SEC23B: variants seen among roughly 807,000 people sequenced by gnomAD.
SEC23B encodes SEC23 homolog B, COPII component.
A neutral mutation model predicts 104.3 loss-of-function variants in SEC23B; 77 were observed. The observed-to-expected ratio is 0.74, with a 90% CI of 0.61 to 0.89. The LOEUF (loss-of-function observed/expected upper bound fraction) is 0.89, where lower values mean the gene tolerates loss of function less well. Ranked by LOEUF, SEC23B falls within the 40% of genes least tolerant of loss-of-function variation. The pLI is 0.00. For missense variants in SEC23B, 885 were observed against 949.4 expected, an observed-to-expected ratio of 0.93 and a Z score of 0.89; for synonymous variants, 338 against 332.5, an observed-to-expected ratio of 1.02 and a Z score of -0.18.
intron 4 of SEC23B, among the ~76,000 whole-genome samples, chr20:18,517,712 T>C (rs898019230): frequency 2.6e-5 from 4 of 152,136 alleles, no homozygotes; most frequent in Admixed American, 2.0e-4. Flanking sequence ...GTGGGAGAGA[T>C]TCAACTGAAG....
intron 12 of SEC23B, among the ~76,000 whole-genome samples, chr20:18,541,751 A>G (rs74864585): frequency 0.011 from 1,676 of 152,348 alleles, 34 homozygotes; most frequent in African/African-American, 0.038. Flanking sequence ...CATAGCAGAT[A>G]TATAATAATA....
intron 19 of SEC23B, among the ~76,000 whole-genome samples, chr20:18,559,092 C>T (rs1009577242): frequency 6.2e-5 from 5 of 80,426 alleles, no homozygotes; most frequent in Non-Finnish European, 1.4e-4. Context: ...GGGGGGGTGT[C>T]GGGGGCACTG....
chr20:18,531,074 A>G (rs902565451), intron 10 of SEC23B, among the ~76,000 whole-genome samples: 1 of 150,996 alleles, frequency 6.6e-6, no homozygotes, highest in African/African-American at 2.4e-5. Flanking sequence ...AATGGCTATT[A>G]AAAGCATGTT....
At chr20:18,558,146 A>T (rs1367028221) in intron 19 of SEC23B, among the ~76,000 whole-genome samples, 1 of 152,146 alleles carries the variant, frequency 6.6e-6, no homozygotes, top group East Asian at 1.9e-4. Context: ...ATTTCTGAAG[A>T]ATATTTTCTC....
In SEC23B at chr20:18,560,904, T is replaced by C; in HGVS notation, c.*164T>C. 3.1e-6 allele frequency: 2 copies of C among 648,646 alleles called. No homozygotes were observed. The highest frequency in any genetic ancestry group is 5.5e-6 in the Non-Finnish European group (2 of 361,676). 40.2% of individuals were successfully genotyped at this position (648,646 alleles called of 1,614,324 possible). On this transcript the variant is annotated 3_prime_UTR_variant, in exon 20 of 20. Transcript: ENST00000650089. ...TAATTTATTTGTATTCCTGTCTTTG[T>C]CCTTTTTCTTGCACTATAAAATTAT... is the stretch of plus-strand genomic sequence containing the variant.
intron 12 of SEC23B, 136 bp downstream of exon 12, chr20:18,535,878 C>CA: frequency 1.4e-6 from 1 of 725,608 alleles, no homozygotes; most frequent in Non-Finnish European, 2.4e-6. Flanking sequence ...GATAGTCTGG[C>CA]ATGACCTTTT....
rs775101025 is a variant in SEC23B at position 18,560,730 on chromosome 20, G to C, written c.2294G>C (p.Ser765Thr). 17 of 1,613,264 alleles carry C rather than the reference G, an allele frequency of 1.1e-5. 1 individual carries two copies. Among genetic ancestry groups the C allele is most frequent in the Middle Eastern group, 1.6e-4 (1 of 6,082 alleles). ...CATTTGAAGAAGCTGGCTGTCTCCA[G>C]TGCCTGTTAAGCTGAGGATACAACC... is the stretch of plus-strand genomic sequence containing the variant. The part of the protein sequence containing the change: ...MDHLKKLAVS[S>T]AC Residue 765 changes from serine to threonine, a missense_variant, in exon 20 of 20, where the codon AGT (serine) becomes ACT (threonine). Coordinates refer to ENST00000650089, the MANE Select transcript of SEC23B (RefSeq NM_006363.6).
intron 11 of SEC23B, 82 bp downstream of exon 11, chr20:18,532,826 G>A (rs2060199162): frequency 3.0e-6 from 3 of 991,984 alleles, no homozygotes; most frequent in Non-Finnish European, 4.9e-6. Context: ...GATCTCACAT[G>A]TGTCACCTGT....
chr20:18,544,023 C>T (rs1038759473), intron 14 of SEC23B, among the ~76,000 whole-genome samples: 2 of 152,138 alleles, frequency 1.3e-5, no homozygotes, highest in Admixed American at 6.5e-5. Context: ...CCAAAGCTGA[C>T]GCTCACCTCC....
chr20:18,545,762 G>T (rs1189207949), intron 14 of SEC23B, among the ~76,000 whole-genome samples, 194 bp from the exon 15 acceptor site: 1 of 152,174 alleles, frequency 6.6e-6, no homozygotes, highest in Non-Finnish European at 1.5e-5. Flanking sequence ...CCTAGAGTCT[G>T]CATTTTAACA....
chr20:18,557,217 T>G (rs2060447799), intron 19 of SEC23B, among the ~76,000 whole-genome samples: 1 of 152,216 alleles, frequency 6.6e-6, no homozygotes, highest in African/African-American at 2.4e-5. Context: ...TATTTGAACA[T>G]GTTTTAGGAT....
In SEC23B at chr20:18,542,374, C is replaced by T. The variant is rs768018657; in HGVS notation, c.1483C>T (p.Arg495Cys). The change falls in exon 13 of 20, where the codon CGC (arginine) becomes TGC (cysteine). Residue 495 changes from arginine (R) to cysteine (C), a missense_variant. Arg to Cys is a radical substitution (Grantham distance 180). Coordinates refer to ENST00000650089, the MANE Select transcript of SEC23B (RefSeq NM_006363.6). The part of the protein sequence containing the change: ...THYQHSSTQR[R>C]IRVTTIARNW... ...TTATCAGCACTCCAGCACCCAGAGA[C>T]GCATCCGCGTGACCACCATCGCCCG... 24 of 1,614,104 alleles carry T rather than the reference C, an allele frequency of 1.5e-5. No individual in the cohort carries two copies. The highest frequency in any genetic ancestry group is 2.7e-5 in the African/African-American group (2 of 74,936).
intron 15 of SEC23B, 29 bp from the exon 16 acceptor site, chr20:18,548,580 A>C (rs1234067637): frequency 6.2e-7 from 1 of 1,610,060 alleles, no homozygotes; most frequent in East Asian, 2.2e-5. Flanking sequence ...AATTATATGC[A>C]TTTCTCTTTC....
In SEC23B at chr20:18,538,396, C is replaced by A. The variant is rs371946367; in HGVS notation, c.1404+2654C>A. The stretch of plus-strand genomic sequence containing the variant: ...TCCCGAGTAGCTGGGACTACAGGCA[C>A]CCGCCACCACGCCCAGCTAATTTTT... On this transcript the variant is annotated intron_variant, in intron 12 of 19. Transcript: ENST00000650089. Among the ~76,000 whole-genome samples, 274 of 152,020 alleles carry A rather than the reference C, an allele frequency of 1.8e-3. 3 individuals are homozygous for A. Among genetic ancestry groups the A allele is most frequent in the Middle Eastern group, 0.01 (3 of 292 alleles).
chr20:18,553,564 G>C (rs1284556970), intron 17 of SEC23B, among the ~76,000 whole-genome samples: 1 of 152,240 alleles, frequency 6.6e-6, no homozygotes, highest in African/African-American at 2.4e-5. Context: ...TAGACCAGTT[G>C]TGGATGAGTA....
At chr20:18,510,743 T>G (rs2059973920) in intron 1 of SEC23B, 79 bp from the exon 2 acceptor site, 2 of 1,099,856 alleles carry the variant, frequency 1.8e-6, no homozygotes, top group South Asian at 2.6e-5. Context: ...AAACACTGTG[T>G]TACATGACCC....
intron 15 of SEC23B, among the ~76,000 whole-genome samples, chr20:18,547,907 A>G (rs2060347373): frequency 7.7e-6 from 1 of 130,450 alleles, no homozygotes. Flanking sequence ...TGACATACCC[A>G]GAGGCCCTTT....
chr20:18,549,097 CA>C (rs879910579), intron 16 of SEC23B, among the ~76,000 whole-genome samples: 111 of 141,582 alleles, frequency 7.8e-4, no homozygotes, highest in Admixed American at 7.7e-4. Flanking sequence ...GACTTTGTGC[CA>C]AAAAAAAAAA....
At chr20:18,551,795 TC>T (rs2060389096) in intron 17 of SEC23B, among the ~76,000 whole-genome samples, 1 of 152,204 alleles carries the variant, frequency 6.6e-6, no homozygotes. Flanking sequence ...ATTATTACCT[TC>T]GAAGTTAGGC....
Sources: allele counts gnomAD v4.1 joint callset (sites outside exome capture counted in the v4.1 genomes callset), GRCh38; gene constraint gnomAD v4.1.1; transcripts MANE v1.5; gene names NCBI Gene and HGNC (gene_info 2026-07-23, HGNC 2026-07-21).